Variants in EPCAM observed in about 807,000 individuals in gnomAD.
EPCAM encodes epithelial cell adhesion molecule.
In EPCAM, 39 loss-of-function variants were observed where a neutral mutation model predicts 40.0. The observed-to-expected ratio is 0.98, with a 90% CI of 0.76 to 1.27. The LOEUF (loss-of-function observed/expected upper bound fraction) is 1.27. Ranked by LOEUF, EPCAM falls within the 50% of genes most tolerant of loss-of-function variation. The probability of loss-of-function intolerance (pLI) is 0.00; values close to 1 mark genes in which losing one functional copy is unlikely to be tolerated. For missense variants in EPCAM, 503 were observed against 381.2 expected, an observed-to-expected ratio of 1.32 and a Z score of -2.66; for synonymous variants, 168 against 132.3, an observed-to-expected ratio of 1.27 and a Z score of -1.85.
intron 1 of EPCAM, among the ~76,000 whole-genome samples, chr2:47,372,841 C>G (rs1027301001): frequency 1.3e-5 from 2 of 151,932 alleles, no homozygotes; most frequent in African/African-American, 4.8e-5. Context: ...GTGGAAGGAG[C>G]TAAGACTGGG....
chr2:47,385,287 G>A (rs2103768868), intron 8 of EPCAM, 77 bp downstream of exon 8: 1 of 1,188,304 alleles, frequency 8.4e-7, no homozygotes, highest in Non-Finnish European at 1.3e-6. Flanking sequence ...CCTACACACT[G>A]ATGCATTTCA....
chr2:47,373,706 T>G (rs2103746535), intron 2 of EPCAM, 102 bp from the exon 3 acceptor site: 1 of 1,540,790 alleles, frequency 6.5e-7, no homozygotes, highest in Non-Finnish European at 8.9e-7. Context: ...AACACATAAA[T>G]TTCAAATAAT....
chr2:47,383,857 GA>G (rs1469164061), intron 7 of EPCAM, among the ~76,000 whole-genome samples: 3 of 151,438 alleles, frequency 2.0e-5, no homozygotes, highest in Non-Finnish European at 4.4e-5. Context: ...GGCTGATCTC[GA>G]AATCCTGATG....
At chr2:47,376,971 G>T (rs748471427) in intron 4 of EPCAM, 43 bp from the exon 5 acceptor site, 1 of 1,330,078 alleles carries the variant, frequency 7.5e-7, no homozygotes, top group Non-Finnish European at 1.1e-6. Flanking sequence ...CTGTTGTGTG[G>T]TACAAACATT....
At chr2:47,383,975 CT>C (rs901320885) in intron 7 of EPCAM, among the ~76,000 whole-genome samples, 8 of 151,654 alleles carry the variant, frequency 5.3e-5, no homozygotes, top group African/African-American at 1.7e-4. Context: ...TCATTGTTTC[CT>C]TTTTTTCTTT....
intron 5 of EPCAM, among the ~76,000 whole-genome samples, chr2:47,377,999 G>A (rs1370705339): frequency 4.6e-5 from 7 of 152,132 alleles, no homozygotes; most frequent in East Asian, 3.9e-4. Flanking sequence ...TTGGGAGGCC[G>A]AGGCAGGTGG....
intron 8 of EPCAM, 96 bp downstream of exon 8, chr2:47,385,306 G>A: frequency 1.0e-6 from 1 of 1,004,616 alleles, no homozygotes; most frequent in Non-Finnish European, 1.6e-6. Context: ...CAGTTATACT[G>A]GAGTCCCTTT....
chr2:47,386,554 T>C lies in EPCAM; in HGVS notation c.904-18T>C. On this transcript the variant is annotated intron_variant, in intron 8 of 8. Coordinates refer to ENST00000263735, the MANE Select transcript of EPCAM (RefSeq NM_002354.3). Reference sequence around the variant, plus strand: ...AAAAATTATTTAGAATTTTTTTCTGTGCTTTTTCCTGTTTCAGATAAAGGA... The same window carrying C: ...AAAAATTATTTAGAATTTTTTTCTGCGCTTTTTCCTGTTTCAGATAAAGGA... 2 of 1,587,908 alleles carry C rather than the reference T, an allele frequency of 1.3e-6. No individual in the cohort carries two copies. Among genetic ancestry groups the C allele is most frequent in the African/African-American group, 1.3e-5 (1 of 74,644 alleles).
At position 47,377,054 on chromosome 2, in the gene EPCAM, C is replaced by G. The variant is rs777222396; in HGVS notation, c.532C>G (p.Pro178Ala). The change falls in exon 5 of 9, where the codon CCA becomes GCA. Residue 178 changes from proline (P) to alanine (A), a missense_variant. Physicochemically the swap from Pro to Ala is conservative, Grantham distance 27 (BLOSUM62 -1). Coordinates refer to ENST00000263735, the MANE Select transcript of EPCAM (RefSeq NM_002354.3). ...GATCACAACGCGTTATCAACTGGAT[C>G]CAAAATTTATCACGAGTATTTTGGT... ...KEITTRYQLDPKFITSILYEN... is the reference protein window; with the variant it reads ...KEITTRYQLDAKFITSILYEN... 3.1e-6 allele frequency: 5 copies of G among 1,608,784 alleles called. No homozygotes were observed. The highest frequency in any genetic ancestry group is 4.3e-6 in the Non-Finnish European group (5 of 1,175,308).
intron 7 of EPCAM, among the ~76,000 whole-genome samples, chr2:47,384,229 G>A (rs1042871992): frequency 6.0e-5 from 9 of 150,496 alleles, no homozygotes; most frequent in Non-Finnish European, 1.2e-4. Context: ...TCAGCCTCCC[G>A]AGTAGATGGG....
chr2:47,382,123 C>T (rs1671609621), intron 7 of EPCAM, among the ~76,000 whole-genome samples: 16 of 151,434 alleles, frequency 1.1e-4, no homozygotes, highest in African/African-American at 3.4e-4. Context: ...GGCAAAGAAA[C>T]TGTAAAGTAA....
rs147139562 is a variant in EPCAM, at chr2:47,377,353, C to T, written c.555+276C>T. Among the ~76,000 whole-genome samples, 704 of 152,200 alleles carry T rather than the reference C, an allele frequency of 4.6e-3. 6 individuals carry two copies. The highest frequency in any genetic ancestry group is 0.01 in the South Asian group (49 of 4,804). On this transcript the variant is annotated intron_variant, in intron 5 of 8. Transcript: ENST00000263735. ...CAAGGTTCAAGCAATTCTCATGCCT[C>T]AGCCTCCCGAGGAGCTGGGACTACA...
At chr2:47,385,330 T>A (rs1671715785) in intron 8 of EPCAM, 120 bp downstream of exon 8, 2 of 808,000 alleles carry the variant, frequency 2.5e-6, no homozygotes, top group Middle Eastern at 2.3e-4. Context: ...CTGTTGTCTT[T>A]AGGGTCTTAG....
At chr2:47,380,767 A>G (rs1430519446) in intron 7 of EPCAM, among the ~76,000 whole-genome samples, 3 of 152,186 alleles carry the variant, frequency 2.0e-5, no homozygotes, top group Non-Finnish European at 2.9e-5. Context: ...TATTTTAGGA[A>G]TGTAAGGATG....
chr2:47,379,121 T>C, intron 6 of EPCAM, 67 bp downstream of exon 6: 2 of 892,998 alleles, frequency 2.2e-6, no homozygotes, highest in Non-Finnish European at 3.8e-6. Flanking sequence ...GAATTAAATA[T>C]ATTTCATCAC....
chr2:47,377,960 C>T (rs574401141), intron 5 of EPCAM, among the ~76,000 whole-genome samples: 13 of 151,990 alleles, frequency 8.6e-5, no homozygotes, highest in Non-Finnish European at 1.6e-4. Flanking sequence ...TGGCCGGGCA[C>T]GGTGGCTCAC....
chr2:47,377,321 C>G (rs1029042280), intron 5 of EPCAM, among the ~76,000 whole-genome samples: 1 of 152,096 alleles, frequency 6.6e-6, no homozygotes, highest in Non-Finnish European at 1.5e-5. Context: ...AATGTAACCT[C>G]TGCTTCCAAG....
At position 47,374,068 on chromosome 2, in the gene EPCAM, C is replaced by CTAGTGAGAACCAAGTAGTA; in HGVS notation, c.425+22_425+23insGTGAGAACCAAGTAGTATA. ...AACCTAGTGAGTGGGGCTGCCTATA[C>CTAGTGAGAACCAAGTAGTA]TACTTGTTTTCATGCTGTTCAGATT... On this transcript the variant is annotated intron_variant, in intron 3 of 8. Coordinates refer to ENST00000263735, the MANE Select transcript of EPCAM (RefSeq NM_002354.3). The CTAGTGAGAACCAAGTAGTA allele has an allele frequency of 6.2e-7, 1 of 1,613,698 alleles. No individual in the cohort carries two copies. The highest frequency in any genetic ancestry group is 8.5e-7 in the Non-Finnish European group (1 of 1,179,674).
At chr2:47,369,683 A>G in intron 1 of EPCAM, 102 bp downstream of exon 1, 2 of 1,202,230 alleles carry the variant, frequency 1.7e-6, no homozygotes, top group Non-Finnish European at 2.4e-6. Flanking sequence ...GAGGGGACCA[A>G]GAGGCCGCGC....
Sources: allele counts gnomAD v4.1 joint callset (sites outside exome capture counted in the v4.1 genomes callset), GRCh38; gene constraint gnomAD v4.1.1; transcripts MANE v1.5; gene names NCBI Gene and HGNC (gene_info 2026-07-23, HGNC 2026-07-21).